CCDC30: variants seen among roughly 807,000 people sequenced by gnomAD.
The protein encoded by CCDC30 is coiled-coil domain containing 30.
A neutral mutation model predicts 100.2 loss-of-function variants in CCDC30; 70 were observed. The ratio of observed to expected loss-of-function variants is 0.70; its 90% CI spans 0.58 to 0.85. The LOEUF (loss-of-function observed/expected upper bound fraction) is 0.85. Among genes scored for constraint, CCDC30 ranks in the 40% least tolerant of loss-of-function variants. The pLI, the probability that CCDC30 is intolerant of heterozygous loss-of-function variation, is 0.00. For missense variants in CCDC30, 652 were observed against 771.2 expected, an observed-to-expected ratio of 0.85 and a Z score of 1.83; for synonymous variants, 233 against 269.5, an observed-to-expected ratio of 0.86 and a Z score of 1.33.
chr1:42,464,415 G>T (rs1643503229), intron 1 of CCDC30, among the ~76,000 whole-genome samples: 1 of 152,170 alleles, frequency 6.6e-6, no homozygotes, highest in Non-Finnish European at 1.5e-5. Flanking sequence ...TCAACTTTAA[G>T]CCCATATGAA....
chr1:42,479,141 C>A lies in CCDC30; in HGVS notation c.-91-1320C>A, dbSNP rs543248721. On this transcript the variant is annotated intron_variant, in intron 1 of 16. Coordinates refer to ENST00000668663, the Ensembl canonical transcript of CCDC30. The stretch of plus-strand genomic sequence containing the variant: ...CTGTAATCTCAGCACTTTGGGAGGC[C>A]GAGTTGGGCGGATCACCGGAGGTCA... 8.5e-5 allele frequency among the ~76,000 whole-genome samples: 13 copies of A among 152,152 alleles called. 1 individual carries two copies. Among genetic ancestry groups the A allele is most frequent in the Admixed American group, 8.5e-4 (13 of 15,280 alleles).
At chr1:42,600,568 A>G (rs895372901) in intron 10 of CCDC30, among the ~76,000 whole-genome samples, 2 of 152,112 alleles carry the variant, frequency 1.3e-5, no homozygotes, top group African/African-American at 4.8e-5. Context: ...CAAATTAACA[A>G]ACATGAAAGA....
At chr1:42,493,984 G>T (rs943243441) in intron 4 of CCDC30, among the ~76,000 whole-genome samples, 1 of 152,088 alleles carries the variant, frequency 6.6e-6, no homozygotes, top group East Asian at 1.9e-4. Context: ...GAGGCCAAGG[G>T]GGGTGAATCA....
intron 7 of CCDC30, chr1:42,570,832 G>A (rs1190059930): frequency 6.6e-6 from 1 of 152,054 alleles, no homozygotes; most frequent in Non-Finnish European, 1.5e-5. Context: ...TCTATTGTAA[G>A]AAAATGCCAT....
intron 6 of CCDC30, among the ~76,000 whole-genome samples, chr1:42,523,258 T>C (rs1490422915): frequency 6.6e-6 from 1 of 152,218 alleles, no homozygotes; most frequent in African/African-American, 2.4e-5. Context: ...ATTTCTTGAA[T>C]AGCAGGTATA....
rs1350845830 is a variant in CCDC30, at chr1:42,596,140, T to G, written c.1164+6657T>G. Among the ~76,000 whole-genome samples the G allele has an allele frequency of 6.6e-6, 1 of 152,172 alleles. No individual in the cohort carries two copies. Among genetic ancestry groups the G allele is most frequent in the African/African-American group, 2.4e-5 (1 of 41,436 alleles). ...ACAAATACAGATAATCACAACTTAC[T>G]GGAGCAAAACCTTCATGAGGACCAG... On this transcript the variant is annotated intron_variant, in intron 10 of 16. Transcript: ENST00000668663. This position sits in a 1 kb window ranked among gnomAD's most constrained non-coding sequence, Gnocchi z 4.3.
At chr1:42,456,489 G>A in the CCDC30 span, 3 of 1,389,530 alleles carry the variant, frequency 2.2e-6, no homozygotes, top group South Asian at 1.5e-5. Flanking sequence ...ACGGCGCGGC[G>A]CGTACACCAG....
At position 42,478,901 on chromosome 1, in the gene CCDC30, G is replaced by A. The variant is rs567827491; in HGVS notation, c.-91-1560G>A. 7.2e-5 allele frequency among the ~76,000 whole-genome samples: 11 copies of A among 152,188 alleles called. No individual in the cohort carries two copies. The South Asian group carries it at 2.3e-3, about 32-fold the overall frequency. ...TTTGTTTTAGCTAATGTTGTAAAGA[G>A]CCTGAGCATAAAATAATCAGCAAAG... On this transcript the variant is annotated intron_variant, in intron 1 of 16. Coordinates refer to ENST00000668663, the Ensembl canonical transcript of CCDC30.
chr1:42,618,166 G>A (rs753255900), intron 11 of CCDC30, among the ~76,000 whole-genome samples: 2 of 151,560 alleles, frequency 1.3e-5, no homozygotes, highest in Non-Finnish European at 2.9e-5. Context: ...AGGATGACAG[G>A]TATACTGCTG....
chr1:42,560,545 A>AT (rs1356157025), intron 6 of CCDC30, among the ~76,000 whole-genome samples: 1 of 151,834 alleles, frequency 6.6e-6, no homozygotes, highest in Non-Finnish European at 1.5e-5. Flanking sequence ...AATTTTTTGT[A>AT]TTTTTAGTAG....
At chr1:42,484,790 T>C (rs1644023289) in intron 3 of CCDC30, among the ~76,000 whole-genome samples, 1 of 152,132 alleles carries the variant, frequency 6.6e-6, no homozygotes, top group African/African-American at 2.4e-5. Flanking sequence ...ATCATAAAAT[T>C]TGGATGAAAA....
chr1:42,536,953 C>T (rs557012809), intron 6 of CCDC30: 2 of 353,968 alleles, frequency 5.7e-6, no homozygotes, highest in Admixed American at 8.3e-5. Context: ...CCCTTATATC[C>T]TCATTTGACC....
chr1:42,490,087 A>C (rs1644114161), intron 3 of CCDC30, 71 bp from the exon 4 acceptor site: 4 of 515,198 alleles, frequency 7.8e-6, no homozygotes, highest in Non-Finnish European at 1.2e-5. Flanking sequence ...CCAGAGAGAG[A>C]GAGTCATTTG....
rs1052615436 is a variant in CCDC30 at position 42,540,694 on chromosome 1, G to A, written c.457-25602G>A. 1.2e-4 allele frequency among the ~76,000 whole-genome samples: 17 copies of A among 136,262 alleles called. No homozygotes were observed. In the East Asian group the frequency reaches 3.9e-3, roughly 31 times the overall value. The allele number at this position is 136,262 out of a possible 152,430, so 89.4% of individuals were successfully genotyped here. A position where few individuals can be genotyped will look rare whatever the true frequency, so the allele number is the denominator to read the frequency against. On this transcript the variant is annotated intron_variant, in intron 6 of 16. Coordinates refer to ENST00000668663, the Ensembl canonical transcript of CCDC30. Reference sequence around the variant, plus strand: ...ATACACATACACACACACACACACAGTTTTTTATAAACTCTTTGAGAGTAA... The same window carrying A: ...ATACACATACACACACACACACACAATTTTTTATAAACTCTTTGAGAGTAA...
At chr1:42,600,500 C>T (rs1646382809) in intron 10 of CCDC30, among the ~76,000 whole-genome samples, 1 of 152,190 alleles carries the variant, frequency 6.6e-6, no homozygotes, top group African/African-American at 2.4e-5. Flanking sequence ...ATTACACATT[C>T]TTCTCAAGCT....
intron 11 of CCDC30, among the ~76,000 whole-genome samples, chr1:42,621,058 G>A (rs1484697342): frequency 6.6e-6 from 1 of 152,182 alleles, no homozygotes; most frequent in Non-Finnish European, 1.5e-5. Flanking sequence ...TCCAGGCTTA[G>A]GGATTACAAC....
intron 12 of CCDC30, among the ~76,000 whole-genome samples, chr1:42,642,136 G>C (rs950429715): frequency 6.6e-6 from 1 of 152,012 alleles, no homozygotes; most frequent in African/African-American, 2.4e-5. Flanking sequence ...TGAGGCAGGA[G>C]AATGGCATGA....
At chr1:42,491,810 A>G in intron 4 of CCDC30, 1 of 339,464 alleles carries the variant, frequency 2.9e-6, no homozygotes, top group Non-Finnish European at 5.7e-6. Flanking sequence ...TGGTTGATCC[A>G]TTTTCTAAGA....
rs138701026 is a variant in CCDC30 at position 42,480,029 on chromosome 1, T to C, written c.-91-432T>C. The stretch of plus-strand genomic sequence containing the variant: ...TCTCTGGTGCGAGCCGAGTAACTGA[T>C]GGCTAGGCTTTTTTGGGGCTTCTGT... On this transcript the variant is annotated intron_variant, in intron 1 of 16. Transcript: ENST00000668663. Among the ~76,000 whole-genome samples the C allele has an allele frequency of 6.9e-3, 1,056 of 152,258 alleles. 7 individuals are homozygous for C. The highest frequency in any genetic ancestry group is 0.044 in the Middle Eastern group (13 of 294).
Sources: gnomAD v4.1 joint callset for allele counts (sites outside exome capture counted in the v4.1 genomes callset) on GRCh38, gnomAD v4.1.1 for gene constraint, Gnocchi (gnomAD v3.1) non-coding constraint, MANE v1.5 for transcripts, NCBI Gene and HGNC (gene_info 2026-07-23, HGNC 2026-07-21) for gene names.